ABAT: variants seen among roughly 807,000 people sequenced by gnomAD.
The protein encoded by ABAT is 4-aminobutyrate aminotransferase.
In ABAT, 45 loss-of-function variants were observed where a neutral mutation model predicts 64.6. The ratio of observed to expected loss-of-function variants is 0.70; its 90% CI spans 0.55 to 0.89. The LOEUF is 0.89. Ranked by LOEUF, ABAT falls within the 40% of genes least tolerant of loss-of-function variation. The probability of loss-of-function intolerance (pLI) is 0.00; values close to 1 mark genes in which losing one functional copy is unlikely to be tolerated. For missense variants in ABAT, 633 were observed against 658.4 expected, an observed-to-expected ratio of 0.96 and a Z score of 0.42; for synonymous variants, 297 against 250.5, an observed-to-expected ratio of 1.19 and a Z score of -1.75.
rs1437088779 is a variant in ABAT, at chr16:8,753,896, C to T, written c.316+3357C>T. ...CTATTCTATTAGCAGAAAGTCTCCCCTGGGTGATGCCAGGTCTTTAATACC... is the reference window on the plus strand; with the variant it reads ...CTATTCTATTAGCAGAAAGTCTCCCTTGGGTGATGCCAGGTCTTTAATACC... On this transcript the variant is annotated intron_variant, in intron 5 of 15. Coordinates refer to ENST00000268251, the MANE Select transcript of ABAT (RefSeq NM_020686.6). Among the ~76,000 whole-genome samples, 4 of 152,148 alleles carry T rather than the reference C, an allele frequency of 2.6e-5. No individual in the cohort carries two copies. The East Asian group carries it at 7.7e-4, about 29-fold the overall frequency.
intron 1 of ABAT, among the ~76,000 whole-genome samples, chr16:8,695,466 A>G (rs953988174): frequency 6.6e-6 from 1 of 152,248 alleles, no homozygotes; most frequent in Admixed American, 6.5e-5. Flanking sequence ...AGGCAGCCAG[A>G]CAGACCTGGT....
intron 5 of ABAT, among the ~76,000 whole-genome samples, chr16:8,750,943 C>CTTT (rs71301327): frequency 0.021 from 2,258 of 109,672 alleles, 100 homozygotes; most frequent in African/African-American, 0.075. Context: ...TTTTTCCCTG[C>CTTT]TTTTTTTTTT....
At chr16:8,738,293 C>A (rs1046917712) in intron 2 of ABAT, 1 of 405,704 alleles carries the variant, frequency 2.5e-6, no homozygotes, top group African/African-American at 2.1e-5. Flanking sequence ...AGCACTCCAG[C>A]CTGGGTGGCC....
At chr16:8,724,746 CAAAAAAAAAAAAA>C (rs869130725) in intron 1 of ABAT, among the ~76,000 whole-genome samples, 22 of 6,596 alleles carry the variant, frequency 3.3e-3, no homozygotes, top group African/African-American at 8.4e-3. Flanking sequence ...AAAAAAAAAA[CAAAAAAAAAAAAA>C]AAAAAAAAAA....
At chr16:8,769,923 A>G (rs539056059) in intron 11 of ABAT, among the ~76,000 whole-genome samples, 10 of 152,148 alleles carry the variant, frequency 6.6e-5, no homozygotes, top group Non-Finnish European at 1.5e-4. Context: ...CAATCAGTTC[A>G]TATTTATTGA....
At chr16:8,684,191 AG>A (rs951412513) in intron 1 of ABAT, among the ~76,000 whole-genome samples, 11 of 152,164 alleles carry the variant, frequency 7.2e-5, no homozygotes, top group African/African-American at 2.4e-4. Flanking sequence ...AAGGCAGAAA[AG>A]AAGAGAAAGA....
At chr16:8,768,759 T>C (rs1465244132) in intron 10 of ABAT, 66 bp from the exon 11 acceptor site, 1 of 1,610,136 alleles carries the variant, frequency 6.2e-7, no homozygotes, top group Non-Finnish European at 8.5e-7. Flanking sequence ...TATCATCTCC[T>C]TTACAAAGAC....
At chr16:8,709,842 G>A (rs137907225) in intron 1 of ABAT, among the ~76,000 whole-genome samples, 1 of 143,800 alleles carries the variant, frequency 7.0e-6, no homozygotes, top group East Asian at 2.2e-4. Flanking sequence ...TTTTTTTTGA[G>A]ACAGGCTCTC....
intron 2 of ABAT, among the ~76,000 whole-genome samples, chr16:8,742,312 C>G (rs576091228): frequency 9.6e-4 from 146 of 152,330 alleles, no homozygotes; most frequent in Admixed American, 4.7e-3. Flanking sequence ...TTTCCACACT[C>G]CGGTTCCCAA....
Position 8,783,604 on chromosome 16 carries a change from A to C in ABAT, c.*2174A>C, listed in dbSNP as rs542274563. 3.3e-5 allele frequency: 5 copies of C among 152,368 alleles called. No homozygotes were observed. The East Asian group carries it at 9.6e-4, about 29-fold the overall frequency. 9.4% of individuals were successfully genotyped at this position (152,368 alleles called of 1,614,324 possible). Reference sequence around the variant, plus strand: ...AGCCAGTTTCCACAGGCAGCATCCCAAGGTTCAATAAGGCCTTATTTAACA... The same window carrying C: ...AGCCAGTTTCCACAGGCAGCATCCCCAGGTTCAATAAGGCCTTATTTAACA... On this transcript the variant is annotated 3_prime_UTR_variant, in exon 16 of 16. Transcript: ENST00000268251.
chr16:8,726,690 C>G (rs2058567721), intron 1 of ABAT, among the ~76,000 whole-genome samples: 1 of 152,172 alleles, frequency 6.6e-6, no homozygotes, highest in Non-Finnish European at 1.5e-5. Context: ...TGAGTTCCTT[C>G]CTTTTGTGTA....
intron 1 of ABAT, among the ~76,000 whole-genome samples, chr16:8,705,998 C>T (rs2057932131): frequency 1.3e-5 from 2 of 152,234 alleles, no homozygotes; most frequent in South Asian, 4.1e-4. Context: ...GTCTCAGCTC[C>T]TTTAATCTAT....
intron 12 of ABAT, 53 bp from the exon 13 acceptor site, chr16:8,774,836 AT>A (rs2060219063): frequency 1.2e-6 from 2 of 1,609,392 alleles, no homozygotes; most frequent in Non-Finnish European, 1.7e-6. Flanking sequence ...GAGGGCATGA[AT>A]TTCTGGCCTC....
chr16:8,779,638 C>T, intron 15 of ABAT, 48 bp downstream of exon 15: 1 of 1,455,300 alleles, frequency 6.9e-7, no homozygotes, highest in Non-Finnish European at 9.6e-7. Flanking sequence ...TCCAGTATCT[C>T]CTGCTGTAGC....
intron 6 of ABAT, among the ~76,000 whole-genome samples, chr16:8,761,977 T>C (rs1596462884): frequency 1.3e-5 from 2 of 150,904 alleles, no homozygotes. Context: ...TTCCTTCTTC[T>C]TCCTTCTCCT....
In ABAT at chr16:8,738,289, C is replaced by G. The variant is rs1401890201; in HGVS notation, c.70+2480C>G. ...TGAGCCATGATCATGCCACAGCACTCCAGCCTGGGTGGCCTTGTCTTAAAA... is the reference window on the plus strand; with the variant it reads ...TGAGCCATGATCATGCCACAGCACTGCAGCCTGGGTGGCCTTGTCTTAAAA... On this transcript the variant is annotated intron_variant, in intron 2 of 15. Transcript: ENST00000268251. Among the ~76,000 whole-genome samples the G allele has an allele frequency of 3.3e-5, 5 of 152,018 alleles. No individual in the cohort carries two copies. The South Asian group carries it at 1.0e-3, about 32-fold the overall frequency.
intron 1 of ABAT, among the ~76,000 whole-genome samples, chr16:8,697,381 A>G (rs963374942): frequency 6.6e-6 from 1 of 152,160 alleles, no homozygotes; most frequent in Non-Finnish European, 1.5e-5. Context: ...TGCTCCGTGC[A>G]AAGTGGATTG....
At chr16:8,725,068 C>G (rs868346147) in intron 1 of ABAT, among the ~76,000 whole-genome samples, 1 of 152,116 alleles carries the variant, frequency 6.6e-6, no homozygotes, top group African/African-American at 2.4e-5. Context: ...AGGCGCCTGC[C>G]ACCACGCCCG....
chr16:8,719,900 T>A (rs2058319053), intron 1 of ABAT, among the ~76,000 whole-genome samples: 2 of 152,138 alleles, frequency 1.3e-5, no homozygotes, highest in Non-Finnish European at 2.9e-5. Context: ...CAACATTCGG[T>A]TCTCAGGTTT....
Sources: gnomAD v4.1 joint callset for allele counts (sites outside exome capture counted in the v4.1 genomes callset) on GRCh38, gnomAD v4.1.1 for gene constraint, MANE v1.5 for transcripts, NCBI Gene and HGNC (gene_info 2026-07-23, HGNC 2026-07-21) for gene names.